The following U2AF2 variants were observed in gnomAD, a reference collection of about 807,000 sequenced individuals.
U2AF2 encodes the protein splicing factor U2AF 65 kDa subunit.
A neutral mutation model predicts 52.6 loss-of-function variants in U2AF2; 6 were observed. The ratio of observed to expected loss-of-function variants is 0.11; its 90% CI spans 0.06 to 0.23. The LOEUF is 0.23. U2AF2 is among the 10% of genes least tolerant of loss of function. U2AF2 has a pLI of 1.00. For synonymous variants in U2AF2, 284 were observed against 258.2 expected, an observed-to-expected ratio of 1.10 and a Z score of -0.96; for missense variants, 222 against 677.1, an observed-to-expected ratio of 0.33 and a Z score of 7.46.
At chr19:55,658,688 G>A (rs190765661) in intron 1 of U2AF2, among the ~76,000 whole-genome samples, 1 of 152,152 alleles carries the variant, frequency 6.6e-6, no homozygotes, top group Non-Finnish European at 1.5e-5. Flanking sequence ...TTATTCACCG[G>A]CTTGGGAAGG....
Position 55,660,658 on chromosome 19 carries a change from A to G in U2AF2, c.334+39A>G, listed in dbSNP as rs192494718. On this transcript the variant is annotated intron_variant, in intron 4 of 11. Coordinates refer to ENST00000308924, the MANE Select transcript of U2AF2 (RefSeq NM_007279.3). ...CAGGCTGCTCCCAGAGCGGGAGGGTACAGGGGTTGGGATTCTCCGTCAGTC... is the reference window on the plus strand; with the variant it reads ...CAGGCTGCTCCCAGAGCGGGAGGGTGCAGGGGTTGGGATTCTCCGTCAGTC... 2.1e-4 allele frequency: 334 copies of G among 1,577,346 alleles called. 3 individuals carry two copies. In the East Asian group the frequency reaches 6.8e-3, roughly 32 times the overall value.
At chr19:55,662,165 A>T in intron 5 of U2AF2, 1 of 207,680 alleles carries the variant, frequency 4.8e-6, no homozygotes, top group Admixed American at 5.6e-5. Context: ...GTTTTTCTTC[A>T]TTTTGTGTTG....
chr19:55,664,730 G>C (rs1015399727), intron 7 of U2AF2, among the ~76,000 whole-genome samples: 1 of 152,146 alleles, frequency 6.6e-6, no homozygotes, highest in Non-Finnish European at 1.5e-5. Flanking sequence ...TGTTGTTGTT[G>C]TTGTTTTGAG....
rs1344960721 is a variant in U2AF2 at position 55,674,125 on chromosome 19, C to T, written c.*57C>T. ...GCTGGGGGCTTCTCCCCACTCCCGC[C>T]CCCCCCTTATCCCCCTCTGAAGACG... On this transcript the variant is annotated 3_prime_UTR_variant, in exon 12 of 12. Transcript: ENST00000308924. The T allele has an allele frequency of 9.2e-6, 14 of 1,526,210 alleles. No homozygotes were observed. Among genetic ancestry groups the T allele is most frequent in the Non-Finnish European group, 1.2e-5 (14 of 1,139,136 alleles). The allele number at this position is 1,526,210 out of a possible 1,614,324, so 94.5% of individuals were successfully genotyped here.
chr19:55,662,750 C>T (rs1303930084), intron 6 of U2AF2, 132 bp downstream of exon 6: 17 of 742,476 alleles, frequency 2.3e-5, no homozygotes, highest in Middle Eastern at 2.7e-4. Context: ...CACCCGGTCG[C>T]TGAAGTGAGC....
At chr19:55,658,702 G>A (rs78883896) in intron 1 of U2AF2, among the ~76,000 whole-genome samples, 1 of 152,134 alleles carries the variant, frequency 6.6e-6, no homozygotes, top group Non-Finnish European at 1.5e-5. Flanking sequence ...GGGAAGGGAT[G>A]GGTTGAGTTT....
Position 55,668,526 on chromosome 19 carries a change from C to G in U2AF2, c.762C>G (p.Val254=). 1 of 1,605,176 alleles carries G rather than the reference C, an allele frequency of 6.2e-7. No homozygotes were observed. The highest frequency in any genetic ancestry group is 8.5e-7 in the Non-Finnish European group (1 of 1,175,042). ...VYVPGVVSTV[V]PDSAHKLFIG... is the part of the protein sequence containing the mutation. ...CCATAGGGGTTGTGTCCACTGTGGT[C>G]CCCGACTCTGCCCACAAGCTGTTCA... is the stretch of plus-strand genomic sequence containing the variant. Residue 254 remains valine (V), a synonymous_variant, in exon 8 of 12, where the codon GTC becomes GTG. Coordinates refer to ENST00000308924, the MANE Select transcript of U2AF2 (RefSeq NM_007279.3). The surrounding 1 kb of genome is among the most constrained non-coding windows in gnomAD (Gnocchi z 5.5).
chr19:55,661,211 T>G, intron 5 of U2AF2, 22 bp downstream of exon 5: 3 of 1,520,900 alleles, frequency 2.0e-6, no homozygotes, highest in Non-Finnish European at 2.6e-6. Context: ...CCCTGCCCCC[T>G]ACCCTCTCCC....
chr19:55,660,284 T>C (rs1984091546), intron 3 of U2AF2, 63 bp downstream of exon 3: 3 of 1,569,324 alleles, frequency 1.9e-6, no homozygotes, highest in Admixed American at 1.8e-5. Flanking sequence ...CTCACGCCCG[T>C]GCACCCTGTC....
chr19:55,655,099 C>T lies in U2AF2; in HGVS notation c.-6C>T, dbSNP rs749714910. 3.1e-6 allele frequency: 5 copies of T among 1,606,048 alleles called. No individual in the cohort carries two copies. The South Asian group carries it at 3.3e-5, about 11-fold the overall frequency. Reference sequence around the variant, plus strand: ...GCTGCACAGGGCCCTACGCGGCCGCCTCAGCATGTCGGACTTCGACGAGTT... The same window carrying T: ...GCTGCACAGGGCCCTACGCGGCCGCTTCAGCATGTCGGACTTCGACGAGTT... On this transcript the variant is annotated 5_prime_UTR_variant, in exon 1 of 12. Coordinates refer to ENST00000308924, the MANE Select transcript of U2AF2 (RefSeq NM_007279.3).
intron 1 of U2AF2, among the ~76,000 whole-genome samples, chr19:55,658,207 C>T (rs1369292508): frequency 3.9e-5 from 6 of 152,114 alleles, no homozygotes; most frequent in Admixed American, 2.0e-4. Context: ...TTAACGTGTG[C>T]ATCTGTTTTG....
At chr19:55,664,222 A>T (rs979401422) in intron 7 of U2AF2, among the ~76,000 whole-genome samples, 6 of 152,204 alleles carry the variant, frequency 3.9e-5, no homozygotes, top group African/African-American at 1.4e-4. Context: ...AGCTGTGTTG[A>T]ACATCATCTG....
At chr19:55,656,454 C>T (rs1291329226) in intron 1 of U2AF2, among the ~76,000 whole-genome samples, 1 of 152,170 alleles carries the variant, frequency 6.6e-6, no homozygotes, top group Non-Finnish European at 1.5e-5. Context: ...AGTTTAGATA[C>T]CTGCTTTGTC....
chr19:55,656,250 T>A (rs1983788072), intron 1 of U2AF2, among the ~76,000 whole-genome samples: 1 of 152,230 alleles, frequency 6.6e-6, no homozygotes, highest in Non-Finnish European at 1.5e-5. Context: ...AGGCTTCAGC[T>A]GCCCATGTTC....
At chr19:55,666,633 T>C (rs1984567828) in intron 7 of U2AF2, among the ~76,000 whole-genome samples, 1 of 152,228 alleles carries the variant, frequency 6.6e-6, no homozygotes, top group Non-Finnish European at 1.5e-5. Context: ...GCTCACACGA[T>C]GGGCACCAGG....
At chr19:55,659,034 G>A in intron 1 of U2AF2, 176 bp from the exon 2 acceptor site, 1 of 1,041,948 alleles carries the variant, frequency 9.6e-7, no homozygotes. Context: ...GTCCCCTCAT[G>A]GTCCCTGGAC....
intron 1 of U2AF2, among the ~76,000 whole-genome samples, chr19:55,656,066 C>T (rs984734230): frequency 2.6e-5 from 4 of 152,158 alleles, no homozygotes; most frequent in African/African-American, 9.7e-5. Flanking sequence ...GAGGCAGGTT[C>T]CCTTCAGGGT....
intron 9 of U2AF2, 32 bp from the exon 10 acceptor site, chr19:55,669,051 G>T: frequency 6.5e-7 from 1 of 1,539,732 alleles, no homozygotes. Flanking sequence ...ACCTCTCCCC[G>T]CACCCCCCGA....
chr19:55,668,614 G>GGGCCCCCCCCCCCCCC lies in U2AF2; in HGVS notation c.822+28_822+29insGGCCCCCCCCCCCCCC. ...AACTTCCCTGCCTCCCTCCAGACCC[G>GGGCCCCCCCCCCCCCC]TCCCCCCACCCCGCCCCACCTCATC... is the stretch of plus-strand genomic sequence containing the variant. On this transcript the variant is annotated intron_variant, in intron 8 of 11. Transcript: ENST00000308924. The surrounding 1 kb of genome is among the most constrained non-coding windows in gnomAD (Gnocchi z 5.5). 7.6e-7 allele frequency: 1 copy of GGGCCCCCCCCCCCCCC among 1,324,232 alleles called. No individual in the cohort carries two copies. Among genetic ancestry groups the GGGCCCCCCCCCCCCCC allele is most frequent in the Non-Finnish European group, 1.1e-6 (1 of 945,506 alleles). 82.0% of individuals were successfully genotyped at this position (1,324,232 alleles called of 1,614,324 possible).
Sources: gnomAD v4.1 joint callset for allele counts (sites outside exome capture counted in the v4.1 genomes callset) on GRCh38, gnomAD v4.1.1 for gene constraint, Gnocchi (gnomAD v3.1) non-coding constraint, MANE v1.5 for transcripts, NCBI Gene and HGNC (gene_info 2026-07-23, HGNC 2026-07-21) for gene names.